TRPM3: variants seen among roughly 807,000 people sequenced by gnomAD.
TRPM3 encodes transient receptor potential cation channel subfamily M member 3, also known as long transient receptor potential channel 3.
A neutral mutation model predicts 181.2 loss-of-function variants in TRPM3; 77 were observed. The observed-to-expected ratio is 0.42, with a 90% CI of 0.35 to 0.51. The LOEUF (loss-of-function observed/expected upper bound fraction) is 0.51, where lower values mean the gene tolerates loss of function less well. TRPM3 is among the 20% of genes least tolerant of loss of function. The pLI is 0.01. For synonymous variants in TRPM3, 745 were observed against 796.4 expected (o/e 0.94, Z 1.09); for missense variants, 1,759 against 2,196.7 (o/e 0.80, Z 3.98).
chr9:71,238,372 G>T (rs923559089), intron 1 of TRPM3, among the ~76,000 whole-genome samples: 16 of 152,070 alleles, frequency 1.1e-4, no homozygotes, highest in Admixed American at 6.5e-4. Flanking sequence ...TGTCAGATAA[G>T]TTATCAATTC....
At chr9:71,254,671 G>C (rs937725690) in intron 1 of TRPM3, among the ~76,000 whole-genome samples, 27 of 152,098 alleles carry the variant, frequency 1.8e-4, no homozygotes, top group African/African-American at 5.8e-4. Flanking sequence ...AAAATATTCT[G>C]ATCTACCAAA....
At chr9:71,149,367 C>T (rs2134611179) in intron 1 of TRPM3, among the ~76,000 whole-genome samples, 1 of 152,264 alleles carries the variant, frequency 6.6e-6, no homozygotes, top group Admixed American at 6.5e-5. Context: ...CATGCTACTA[C>T]ACTCCAGCCT....
At chr9:71,236,061 C>G (rs1255294051) in intron 1 of TRPM3, among the ~76,000 whole-genome samples, 1 of 152,162 alleles carries the variant, frequency 6.6e-6, no homozygotes, top group African/African-American at 2.4e-5. Flanking sequence ...CCACAATTTT[C>G]TATGGTCTAC....
intron 1 of TRPM3, among the ~76,000 whole-genome samples, chr9:71,272,253 C>T (rs1248532627): frequency 6.6e-6 from 1 of 152,030 alleles, no homozygotes; most frequent in Non-Finnish European, 1.5e-5. Context: ...TTGAGAGAAA[C>T]TGACTATTTT....
At chr9:70,925,325 A>G (rs2096710198) in intron 1 of TRPM3, among the ~76,000 whole-genome samples, 1 of 151,210 alleles carries the variant, frequency 6.6e-6, no homozygotes, top group South Asian at 2.1e-4. Flanking sequence ...AGTACTGATA[A>G]CAAATAAATA....
At chr9:71,065,026 C>T (rs145839109) in intron 1 of TRPM3, among the ~76,000 whole-genome samples, 12 of 152,212 alleles carry the variant, frequency 7.9e-5, no homozygotes, top group African/African-American at 2.6e-4. Context: ...AGGTGAATGT[C>T]TAGCAGGAGT....
intron 1 of TRPM3, among the ~76,000 whole-genome samples, chr9:71,127,072 A>T (rs2074081384): frequency 3.8e-5 from 1 of 26,248 alleles, no homozygotes; most frequent in Admixed American, 3.8e-4. Context: ...AGGAAAAAAC[A>T]AAAACAAAAA....
chr9:70,597,299 T>G lies in TRPM3; in HGVS notation c.3048+1120A>C, dbSNP rs11142501. On this transcript the variant is annotated intron_variant, in intron 21 of 25. Transcript: ENST00000677713. ...GCTGCCCAAGCTGGTCTCAGACTCC[T>G]GGGCTCAAGTAATCTGCCTGCCTCA... is the stretch of plus-strand genomic sequence containing the variant. Among the ~76,000 whole-genome samples, 219 of 152,294 alleles carry G rather than the reference T, an allele frequency of 1.4e-3. 1 individual carries two copies. In the East Asian group the frequency reaches 0.034, roughly 24 times the overall value.
intron 1 of TRPM3, among the ~76,000 whole-genome samples, chr9:71,180,816 C>A (rs1400957842): frequency 6.6e-6 from 1 of 152,096 alleles, no homozygotes; most frequent in African/African-American, 2.4e-5. Flanking sequence ...GATTAGGCAG[C>A]TAGAGTACAT....
At chr9:71,247,344 A>G (rs2131998731) in intron 1 of TRPM3, among the ~76,000 whole-genome samples, 1 of 105,636 alleles carries the variant, frequency 9.5e-6, no homozygotes, top group African/African-American at 4.3e-5. Context: ...ATAGAGTGAG[A>G]CTCTGTCTCA....
At chr9:71,306,538 A>G (rs1266981501) in intron 1 of TRPM3, among the ~76,000 whole-genome samples, 1 of 152,176 alleles carries the variant, frequency 6.6e-6, no homozygotes, top group Non-Finnish European at 1.5e-5. Context: ...TTATAAATTC[A>G]CTATTCTGAT....
At chr9:70,917,984 G>A (rs377485497) in intron 1 of TRPM3, among the ~76,000 whole-genome samples, 9 of 152,018 alleles carry the variant, frequency 5.9e-5, no homozygotes, top group African/African-American at 2.2e-4. Context: ...AAAAAAAAGA[G>A]AGCAGGAGTA....
intron 1 of TRPM3, among the ~76,000 whole-genome samples, chr9:71,226,684 G>A (rs2080683759): frequency 6.6e-6 from 1 of 151,852 alleles, no homozygotes; most frequent in African/African-American, 2.4e-5. Flanking sequence ...ACACACACAT[G>A]TATATACACA....
chr9:70,551,909 T>C (rs1221741762), intron 24 of TRPM3, among the ~76,000 whole-genome samples: 1 of 152,204 alleles, frequency 6.6e-6, no homozygotes, highest in Non-Finnish European at 1.5e-5. Flanking sequence ...CTAATGTAAA[T>C]GTCTAGAAAG....
At chr9:70,930,464 T>C (rs2096765021) in intron 1 of TRPM3, among the ~76,000 whole-genome samples, 1 of 152,214 alleles carries the variant, frequency 6.6e-6, no homozygotes, top group Non-Finnish European at 1.5e-5. Flanking sequence ...AATTGACTTT[T>C]GATCATAAAA....
intron 1 of TRPM3, among the ~76,000 whole-genome samples, chr9:71,041,171 C>A (rs116202509): frequency 1.2e-3 from 182 of 152,056 alleles, no homozygotes; most frequent in African/African-American, 4.1e-3. Flanking sequence ...ATGTCTGAAA[C>A]TGTTCTTAAG....
intron 22 of TRPM3, among the ~76,000 whole-genome samples, chr9:70,576,508 C>CTT (rs897195308): frequency 1.7e-4 from 23 of 138,916 alleles, no homozygotes; most frequent in African/African-American, 5.6e-4. Context: ...CCTCCTTCTT[C>CTT]TTTTTTTTTT....
At chr9:70,787,763 C>CTTTTTTTTTTTTTTTTTTTTTTTTTT in intron 6 of TRPM3, among the ~76,000 whole-genome samples, 6 of 68,558 alleles carry the variant, frequency 8.8e-5, no homozygotes, top group African/African-American at 1.2e-4. Flanking sequence ...TTTTTGGATT[C>CTTTTTTTTTTTTTTTTTTTTTTTTTT]TTTTTTTTTT....
chr9:70,615,230 G>C (rs960397642), intron 18 of TRPM3, among the ~76,000 whole-genome samples: 2 of 152,218 alleles, frequency 1.3e-5, no homozygotes, highest in African/African-American at 4.8e-5. Flanking sequence ...TTATGGAGCT[G>C]TTGCTTGATG....
Sources: gnomAD v4.1 joint callset for allele counts (sites outside exome capture counted in the v4.1 genomes callset) on GRCh38, gnomAD v4.1.1 for gene constraint, MANE v1.5 for transcripts, NCBI Gene and HGNC (gene_info 2026-07-23, HGNC 2026-07-21) for gene names.